CD44: variants seen among roughly 807,000 people sequenced by gnomAD.
CD44 encodes CD44 antigen.
Under a neutral mutation model 88.8 loss-of-function variants are expected in CD44, and 49 were observed. That is an observed-to-expected ratio of 0.55 (90% CI 0.44 to 0.70). The LOEUF is 0.70. CD44 is among the 30% of genes least tolerant of loss of function. The probability of loss-of-function intolerance (pLI) is 0.00; values close to 1 mark genes in which losing one functional copy is unlikely to be tolerated. For missense variants in CD44, 883 were observed against 913.8 expected, an observed-to-expected ratio of 0.97 and a Z score of 0.43; for synonymous variants, 325 against 312.3, an observed-to-expected ratio of 1.04 and a Z score of -0.43.
intron 1 of CD44, among the ~76,000 whole-genome samples, chr11:35,174,351 A>T (rs1284813771): frequency 6.6e-6 from 1 of 152,166 alleles, no homozygotes; most frequent in Non-Finnish European, 1.5e-5. Context: ...AACTAACAAC[A>T]AGGAGTGGTG....
intron 1 of CD44, 166 bp downstream of exon 1, chr11:35,139,536 T>C (rs769525253): frequency 1.3e-6 from 1 of 774,218 alleles, no homozygotes; most frequent in Admixed American, 1.7e-5. Flanking sequence ...CGCTAAACCG[T>C]TGGAGAATGT....
chr11:35,229,189 G>A lies in CD44; in HGVS notation c.2085G>A (p.Lys695=). The stretch of plus-strand genomic sequence containing the variant: ...GCAATGGAGCTGTGGAGGACAGAAA[G>A]CCAAGTGGACTCAACGGAGAGGCCA... ...NSGNGAVEDR[K]PSGLNGEASK... is the part of the protein sequence containing the mutation. The change falls in exon 18 of 18, where the codon AAG becomes AAA. Residue 695 remains lysine, a synonymous_variant. Transcript: ENST00000428726. 6.2e-7 allele frequency: 1 copy of A among 1,614,108 alleles called. No individual in the cohort carries two copies. Among genetic ancestry groups the A allele is most frequent in the Non-Finnish European group, 8.5e-7 (1 of 1,179,970 alleles).
At chr11:35,142,536 A>G (rs1447903505) in intron 1 of CD44, among the ~76,000 whole-genome samples, 2 of 152,034 alleles carry the variant, frequency 1.3e-5, no homozygotes, top group African/African-American at 4.8e-5. Context: ...CCTTCTCTCT[A>G]ATTGAGCATT....
chr11:35,229,466 C>T lies in CD44; in HGVS notation c.*133C>T. On this transcript the variant is annotated 3_prime_UTR_variant, in exon 18 of 18. Transcript: ENST00000428726. ...CTTTTTTAGCATAAAATTTTCTACTCTTTTTGTTTTTTGTGTTTTGTTCTT... is the reference window on the plus strand; with the variant it reads ...CTTTTTTAGCATAAAATTTTCTACTTTTTTTGTTTTTTGTGTTTTGTTCTT... The T allele has an allele frequency of 1.6e-6, 1 of 625,036 alleles. No individual in the cohort carries two copies. The highest frequency in any genetic ancestry group is 2.7e-6 in the Non-Finnish European group (1 of 365,762). 38.7% of individuals were successfully genotyped at this position (625,036 alleles called of 1,614,324 possible).
chr11:35,170,750 TCA>T (rs1943780816), intron 1 of CD44, among the ~76,000 whole-genome samples: 1 of 152,214 alleles, frequency 6.6e-6, no homozygotes, highest in African/African-American at 2.4e-5. Context: ...GGATCCTGAA[TCA>T]CAGAGTTCTC....
chr11:35,205,974 C>T (rs1211859487), intron 10 of CD44, 138 bp from the exon 11 acceptor site: 10 of 1,293,638 alleles, frequency 7.7e-6, no homozygotes, highest in African/African-American at 1.5e-5. Context: ...GTTTATGCAA[C>T]TTCCTTGCCC....
At position 35,164,588 on chromosome 11, in the gene CD44, G is replaced by A. The variant is rs559924125; in HGVS notation, c.68-11987G>A. Among the ~76,000 whole-genome samples, 4 of 152,294 alleles carry A rather than the reference G, an allele frequency of 2.6e-5. No homozygotes were observed. In the East Asian group the frequency reaches 7.7e-4, roughly 29 times the overall value. ...CCATCTGGATGGCTGTATCTTCAAA[G>A]ACAACAAGTCTTAACTGCAGTTTTT... On this transcript the variant is annotated intron_variant, in intron 1 of 17. Transcript: ENST00000428726.
chr11:35,197,012 A>G (rs914218100), intron 6 of CD44, 138 bp downstream of exon 6: 1 of 765,294 alleles, frequency 1.3e-6, no homozygotes, highest in African/African-American at 1.8e-5. Flanking sequence ...AAGGATCATT[A>G]ACTCTGGTAT....
At chr11:35,181,820 TATATATTATAAATATATAAAA>T in intron 3 of CD44, among the ~76,000 whole-genome samples, 2 of 108,880 alleles carry the variant, frequency 1.8e-5, no homozygotes, top group African/African-American at 3.6e-5. Context: ...TATATTTAAA[TATATATTATAAATATATAAAA>T]ATTATATTTA....
chr11:35,176,756 C>G lies in CD44; in HGVS notation c.233+16C>G, dbSNP rs748214228. The G allele has an allele frequency of 6.2e-7, 1 of 1,608,510 alleles. No individual in the cohort carries two copies. Among genetic ancestry groups the G allele is most frequent in the Admixed American group, 1.7e-5 (1 of 58,808 alleles). On this transcript the variant is annotated intron_variant, in intron 2 of 17. Coordinates refer to ENST00000428726, the MANE Select transcript of CD44 (RefSeq NM_000610.4). The stretch of plus-strand genomic sequence containing the variant: ...AGACCTGCAGGTAAGAGACCAGCAC[C>G]CGACCACTGGGGAAAGCTGGCGGCC...
At chr11:35,171,106 C>G (rs911239938) in intron 1 of CD44, among the ~76,000 whole-genome samples, 1 of 152,166 alleles carries the variant, frequency 6.6e-6, no homozygotes, top group African/African-American at 2.4e-5. Flanking sequence ...TAAATATTAG[C>G]CACTGCTCTT....
In CD44 at chr11:35,208,120, A is replaced by G. The variant is rs763221758; in HGVS notation, c.1430A>G (p.His477Arg). 25 of 1,603,020 alleles carry G rather than the reference A, an allele frequency of 1.6e-5. No individual in the cohort carries two copies. Among genetic ancestry groups the G allele is most frequent in the Non-Finnish European group, 2.1e-5 (25 of 1,170,112 alleles). Reference protein sequence around the residue: ...AGRRMDMDSSHSITLQPTANP... With the variant: ...AGRRMDMDSSRSITLQPTANP... Reference sequence around the variant, plus strand: ...ATTCCTTCAGATATGGACTCCAGTCATAGTATAACGCTTCAGCCTACTGCA... The same window carrying G: ...ATTCCTTCAGATATGGACTCCAGTCGTAGTATAACGCTTCAGCCTACTGCA... Residue 477 changes from histidine (H) to arginine (R), a missense_variant, in exon 12 of 18, where the codon CAT becomes CGT. Physicochemically the swap from His to Arg is conservative, Grantham distance 29 (BLOSUM62 0). This residue lies in a region of CD44 where 631 missense variants were observed against 590.9 expected (regional missense o/e 1.07). Coordinates refer to ENST00000428726, the MANE Select transcript of CD44 (RefSeq NM_000610.4).
intron 1 of CD44, among the ~76,000 whole-genome samples, chr11:35,149,600 C>T (rs568389775): frequency 6.6e-6 from 1 of 152,292 alleles, no homozygotes; most frequent in East Asian, 1.9e-4. Flanking sequence ...GTATTTCACC[C>T]CCATTTACTT....
intron 3 of CD44, among the ~76,000 whole-genome samples, chr11:35,182,014 T>C (rs562667347): frequency 8.2e-6 from 1 of 121,316 alleles, no homozygotes; most frequent in East Asian, 2.1e-4. Flanking sequence ...TATATGTATA[T>C]ATGTATATAT....
In CD44 at chr11:35,219,374, A is replaced by G. The variant is rs762557405; in HGVS notation, c.1932A>G (p.Thr644=). The change falls in exon 16 of 18, where the codon ACA becomes ACG. Residue 644 remains threonine (T), a synonymous_variant. Coordinates refer to ENST00000428726, the MANE Select transcript of CD44 (RefSeq NM_000610.4). ...GANTTSGPIR[T]PQIPEWLIIL... is the part of the protein sequence containing the mutation. ...ACACAACCTCTGGTCCTATAAGGAC[A>G]CCCCAAATTCCAGGTGAGTTTCAAA... The G allele has an allele frequency of 1.9e-6, 3 of 1,613,352 alleles. No individual in the cohort carries two copies. Among genetic ancestry groups the G allele is most frequent in the Non-Finnish European group, 2.5e-6 (3 of 1,179,434 alleles).
chr11:35,207,983 G>T, intron 11 of CD44, 122 bp from the exon 12 acceptor site: 1 of 649,230 alleles, frequency 1.5e-6, no homozygotes, highest in East Asian at 2.7e-5. Context: ...GATATAGTCA[G>T]TATGTGCTTT....
intron 17 of CD44, among the ~76,000 whole-genome samples, chr11:35,227,487 C>T (rs1949787262): frequency 6.6e-6 from 1 of 152,132 alleles, no homozygotes; most frequent in Admixed American, 6.5e-5. Flanking sequence ...CACCTGGCCT[C>T]CAAGGCCCTT....
chr11:35,159,106 A>T (rs1942276228), intron 1 of CD44, among the ~76,000 whole-genome samples: 1 of 152,188 alleles, frequency 6.6e-6, no homozygotes. Flanking sequence ...TTTCATTCTG[A>T]GAAGTTTGGA....
chr11:35,210,093 A>G, intron 13 of CD44, 39 bp downstream of exon 13: 1 of 1,184,054 alleles, frequency 8.4e-7, no homozygotes, highest in Non-Finnish European at 1.2e-6. Context: ...AGCTATTGAT[A>G]AGAATCAATC....
Sources: allele counts gnomAD v4.1 joint callset (sites outside exome capture counted in the v4.1 genomes callset), GRCh38; gene constraint gnomAD v4.1.1; regional missense constraint gnomAD v4.1.1; transcripts MANE v1.5; gene names NCBI Gene and HGNC (gene_info 2026-07-23, HGNC 2026-07-21).